SLC9A9: variants seen among roughly 807,000 people sequenced by gnomAD.
SLC9A9 encodes sodium/hydrogen exchanger 9.
SLC9A9 carries 62 observed loss-of-function variants against 77.8 expected under a neutral mutation model. The observed-to-expected ratio is 0.80, with a 90% CI of 0.65 to 0.98. SLC9A9 has a LOEUF of 0.98. Among genes scored for constraint, SLC9A9 ranks in the 50% least tolerant of loss-of-function variants. The probability of loss-of-function intolerance (pLI) is 0.00; values close to 1 mark genes in which losing one functional copy is unlikely to be tolerated. For synonymous variants in SLC9A9, 320 were observed against 283.5 expected (o/e 1.13, Z -1.29); for missense variants, 775 against 774.9 (o/e 1.00, Z 0.00).
At chr3:143,629,209 A>G (rs2038380772) in intron 6 of SLC9A9, among the ~76,000 whole-genome samples, 1 of 152,220 alleles carries the variant, frequency 6.6e-6, no homozygotes, top group East Asian at 1.9e-4. Flanking sequence ...TTATCAATTA[A>G]TAGACAATCA....
chr3:143,652,116 C>T, intron 6 of SLC9A9, 139 bp downstream of exon 6: 1 of 699,864 alleles, frequency 1.4e-6, no homozygotes, highest in Non-Finnish European at 2.5e-6. Flanking sequence ...GAATTGTGCC[C>T]ATTATGGAAA....
chr3:143,651,924 T>C (rs1034414735), intron 6 of SLC9A9, among the ~76,000 whole-genome samples: 2 of 152,212 alleles, frequency 1.3e-5, no homozygotes, highest in Non-Finnish European at 2.9e-5. Flanking sequence ...GTGACTTATA[T>C]AAGGCGAAAA....
chr3:143,266,941 A>AAG lies in SLC9A9; in HGVS notation c.1711-14_1711-13dup. 1 of 1,613,614 alleles carries AAG rather than the reference A, an allele frequency of 6.2e-7. No homozygotes were observed. The highest frequency in any genetic ancestry group is 1.1e-5 in the South Asian group (1 of 91,070). Reference sequence around the variant, plus strand: ...TCTTTTAGCTGTTCCTGGTTGGGAAAAGAGAGAGAGGTGTCACTTCATGAT... The same window carrying AAG: ...TCTTTTAGCTGTTCCTGGTTGGGAAAAGAGAGAGAGAGGTGTCACTTCATGAT... On this transcript the variant is annotated splice_polypyrimidine_tract_variant and intron_variant, in intron 15 of 15. Transcript: ENST00000316549.
chr3:143,727,721 G>A (rs918332277), intron 4 of SLC9A9, among the ~76,000 whole-genome samples: 2 of 152,076 alleles, frequency 1.3e-5, no homozygotes, highest in Admixed American at 6.5e-5. Context: ...AAAATAAAAC[G>A]AATTATTTTA....
chr3:143,323,742 AT>A (rs2031491330), intron 14 of SLC9A9, among the ~76,000 whole-genome samples: 1 of 152,210 alleles, frequency 6.6e-6, no homozygotes, highest in Admixed American at 6.5e-5. Flanking sequence ...ATCGGTACAC[AT>A]TATATACATG....
intron 4 of SLC9A9, among the ~76,000 whole-genome samples, chr3:143,705,033 ATCTATC>A (rs544852429): frequency 0.011 from 367 of 32,530 alleles, 3 homozygotes; most frequent in African/African-American, 0.035. Flanking sequence ...CTATCTATCT[ATCTATC>A]TATATAGATA....
chr3:143,288,248 G>A (rs1938434122), intron 14 of SLC9A9, among the ~76,000 whole-genome samples: 1 of 151,498 alleles, frequency 6.6e-6, no homozygotes, highest in Non-Finnish European at 1.5e-5. Context: ...GCTAAGCCTG[G>A]GCTCCAGTTA....
intron 14 of SLC9A9, among the ~76,000 whole-genome samples, chr3:143,320,534 G>A (rs1213991969): frequency 6.6e-6 from 1 of 152,152 alleles, no homozygotes; most frequent in East Asian, 1.9e-4. Flanking sequence ...AGAAGGTGAA[G>A]TGGGAACAGG....
chr3:143,687,000 C>G (rs1397574915), intron 5 of SLC9A9, among the ~76,000 whole-genome samples: 1 of 152,122 alleles, frequency 6.6e-6, no homozygotes, highest in Non-Finnish European at 1.5e-5. Flanking sequence ...CATATACTGT[C>G]TCTTTGGTTG....
At chr3:143,643,414 C>A (rs2038653972) in intron 6 of SLC9A9, among the ~76,000 whole-genome samples, 1 of 152,192 alleles carries the variant, frequency 6.6e-6, no homozygotes, top group South Asian at 2.1e-4. Context: ...ATTGCAGGCC[C>A]TATTCAAAGA....
intron 9 of SLC9A9, chr3:143,517,860 C>A (rs548205789): frequency 6.3e-7 from 1 of 1,588,114 alleles, no homozygotes; most frequent in Non-Finnish European, 8.6e-7. Context: ...TCGTTTAGGG[C>A]TTCAATAGCA....
rs7641744 is a variant in SLC9A9 at position 143,275,950 on chromosome 3, C to T, written c.1605-6970G>A. 9.0e-3 allele frequency among the ~76,000 whole-genome samples: 1,369 copies of T among 152,264 alleles called. 29 individuals carry two copies. The highest frequency in any genetic ancestry group is 0.031 in the African/African-American group (1,290 of 41,556). Reference sequence around the variant, plus strand: ...TTTCTAAGCTTCAGAGTTCTCTCTTCGGTTGTTTTTTCACAGTGTGAAATA... The same window carrying T: ...TTTCTAAGCTTCAGAGTTCTCTCTTTGGTTGTTTTTTCACAGTGTGAAATA... On this transcript the variant is annotated intron_variant, in intron 14 of 15. Coordinates refer to ENST00000316549, the MANE Select transcript of SLC9A9 (RefSeq NM_173653.4).
chr3:143,561,956 A>G (rs1038042367), intron 8 of SLC9A9, among the ~76,000 whole-genome samples: 1 of 152,224 alleles, frequency 6.6e-6, no homozygotes, highest in Non-Finnish European at 1.5e-5. Flanking sequence ...CATCAAGGAA[A>G]GCAGGTAGAT....
At chr3:143,335,349 C>T (rs2108458673) in intron 14 of SLC9A9, among the ~76,000 whole-genome samples, 1 of 152,088 alleles carries the variant, frequency 6.6e-6, no homozygotes, top group East Asian at 1.9e-4. Flanking sequence ...TTATACTGCC[C>T]AAAATGATGT....
At chr3:143,694,265 A>G (rs1358723277) in intron 4 of SLC9A9, among the ~76,000 whole-genome samples, 1 of 152,054 alleles carries the variant, frequency 6.6e-6, no homozygotes, top group Non-Finnish European at 1.5e-5. Context: ...AATTACGTTA[A>G]AAAAAAGTAT....
At chr3:143,695,532 G>A (rs1933611619) in intron 4 of SLC9A9, among the ~76,000 whole-genome samples, 1 of 152,130 alleles carries the variant, frequency 6.6e-6, no homozygotes, top group Non-Finnish European at 1.5e-5. Flanking sequence ...TTTCATGGCT[G>A]CATAGTATTC....
intron 4 of SLC9A9, among the ~76,000 whole-genome samples, chr3:143,701,473 AGAAT>A (rs1347958943): frequency 4.6e-5 from 7 of 152,220 alleles, no homozygotes; most frequent in Non-Finnish European, 1.0e-4. Flanking sequence ...ATAATTAAAA[AGAAT>A]GAAATAGAAA....
chr3:143,368,583 T>C (rs1446120435), intron 13 of SLC9A9, among the ~76,000 whole-genome samples: 1 of 152,210 alleles, frequency 6.6e-6, no homozygotes, highest in East Asian at 1.9e-4. Context: ...TCAATATTAA[T>C]GTCAGTGGAA....
chr3:143,626,627 G>GGGGA (rs2038333702), intron 6 of SLC9A9, among the ~76,000 whole-genome samples: 1 of 149,438 alleles, frequency 6.7e-6, no homozygotes, highest in South Asian at 2.2e-4. Context: ...GGGGTGGGGG[G>GGGGA]ATGGGGGAGG....
Sources: gnomAD v4.1 joint callset for allele counts (sites outside exome capture counted in the v4.1 genomes callset) on GRCh38, gnomAD v4.1.1 for gene constraint, MANE v1.5 for transcripts, NCBI Gene and HGNC (gene_info 2026-07-23, HGNC 2026-07-21) for gene names.